USH1G: variants seen among roughly 807,000 people sequenced by gnomAD.
USH1G encodes the protein pre-mRNA splicing regulator USH1G.
Under a neutral mutation model 31.9 loss-of-function variants are expected in USH1G, and 27 were observed. The ratio of observed to expected loss-of-function variants is 0.85; its 90% CI spans 0.62 to 1.17. The LOEUF is 1.17. Among genes scored for constraint, USH1G ranks in the 50% most tolerant of loss-of-function variants. USH1G has a pLI of 0.00. For synonymous variants in USH1G, 266 were observed against 283.2 expected (o/e 0.94, Z 0.61); for missense variants, 674 against 638.9 (o/e 1.05, Z -0.59).
Position 74,919,405 on chromosome 17 carries a change from G to C in USH1G, c.1382+49C>G. The stretch of plus-strand genomic sequence containing the variant: ...GCAGATCTGTACCCCCTCCCCAGGG[G>C]CCTTCCAACTCCTGCTCCTCCATCC... On this transcript the variant is annotated intron_variant, in intron 2 of 2. Coordinates refer to ENST00000614341, the MANE Select transcript of USH1G (RefSeq NM_173477.5). This position sits in a 1 kb window ranked among gnomAD's most constrained non-coding sequence, Gnocchi z 4.5. 2 of 1,559,168 alleles carry C rather than the reference G, an allele frequency of 1.3e-6. No individual in the cohort carries two copies. Among genetic ancestry groups the C allele is most frequent in the Non-Finnish European group, 1.7e-6 (2 of 1,154,798 alleles).
At position 74,918,173 on chromosome 17, in the gene USH1G, C is replaced by T; in HGVS notation, c.1383-97G>A. On this transcript the variant is annotated intron_variant, in intron 2 of 2. Transcript: ENST00000614341. The surrounding 1 kb of genome is among the most constrained non-coding windows in gnomAD (Gnocchi z 4.1). ...AGCCATCTGGACAACTTAGCCTCCC[C>T]ATCTCTCGGCAGGCCAATTGTCAGG... 6.5e-7 allele frequency: 1 copy of T among 1,530,536 alleles called. No individual in the cohort carries two copies. Among genetic ancestry groups the T allele is most frequent in the East Asian group, 2.4e-5 (1 of 42,490 alleles). The allele number at this position is 1,530,536 out of a possible 1,614,324, so 94.8% of individuals were successfully genotyped here.
rs186578638 is a variant in USH1G, at chr17:74,921,845, C to T, written c.164+1065G>A. 6.4e-3 allele frequency among the ~76,000 whole-genome samples: 970 copies of T among 152,238 alleles called. 9 individuals carry two copies. The highest frequency in any genetic ancestry group is 0.023 in the South Asian group (109 of 4,822). Reference sequence around the variant, plus strand: ...GAAGGGCCAGCCAGCCTTGGCCTCACGGGACATGGTTCAGCTGCCCAGGCT... The same window carrying T: ...GAAGGGCCAGCCAGCCTTGGCCTCATGGGACATGGTTCAGCTGCCCAGGCT... On this transcript the variant is annotated intron_variant, in intron 1 of 2. Transcript: ENST00000614341. This position sits in a 1 kb window ranked among gnomAD's most constrained non-coding sequence, Gnocchi z 4.6.
chr17:74,920,728 G>A lies in USH1G; in HGVS notation c.165-57C>T, dbSNP rs1451470776. The A allele has an allele frequency of 7.5e-6, 12 of 1,603,336 alleles. No homozygotes were observed. Among genetic ancestry groups the A allele is most frequent in the South Asian group, 1.1e-5 (1 of 90,206 alleles). On this transcript the variant is annotated intron_variant, in intron 1 of 2. Transcript: ENST00000614341. This position sits in a 1 kb window ranked among gnomAD's most constrained non-coding sequence, Gnocchi z 5.2. ...ACGAGTCCTGGCTGGGGATGGAGGT[G>A]GAGGGAGTGGAGGGGGGAGGGGAGC...
At position 74,920,444 on chromosome 17, in the gene USH1G, A is replaced by C; in HGVS notation, c.392T>G (p.Leu131Arg). 3.1e-6 allele frequency: 5 copies of C among 1,613,680 alleles called. No individual in the cohort carries two copies. Among genetic ancestry groups the C allele is most frequent in the Middle Eastern group, 1.6e-4 (1 of 6,062 alleles). ...AAKQSSLNPKLVGKLKDKAFR... is the reference protein window; with the variant it reads ...AAKQSSLNPKRVGKLKDKAFR... ...GGCCTTGTCCTTCAGCTTACCCACC[A>C]GCTTGGGGTTGAGGCTGCTCTGCTT... Residue 131 changes from leucine to arginine, a missense_variant, in exon 2 of 3, where the codon CTG becomes CGG. By Grantham distance (102) the Leu-to-Arg change is moderately radical (BLOSUM62 -2). Coordinates refer to ENST00000614341, the MANE Select transcript of USH1G (RefSeq NM_173477.5). The surrounding 1 kb of genome is among the most constrained non-coding windows in gnomAD (Gnocchi z 5.2).
In USH1G at chr17:74,920,656, C is replaced by T. The variant is rs765320969; in HGVS notation, c.180G>A (p.Lys60=). 5.0e-6 allele frequency: 8 copies of T among 1,613,552 alleles called. No homozygotes were observed. In the Admixed American group the frequency reaches 6.7e-5, roughly 13 times the overall value. ...LIVSRGGDPD[K]CDIWGNTPLH... ...GGGGTGTGTTGCCCCAGATGTCACA[C>T]TTGTCCGGGTCACCCCTGCAGGGAA... The change falls in exon 2 of 3, where the codon AAG becomes AAA. Residue 60 remains lysine (K), a synonymous_variant. Coordinates refer to ENST00000614341, the MANE Select transcript of USH1G (RefSeq NM_173477.5). This position sits in a 1 kb window ranked among gnomAD's most constrained non-coding sequence, Gnocchi z 5.2.
intron 1 of USH1G, among the ~76,000 whole-genome samples, chr17:74,922,070 G>A (rs924932513): frequency 1.3e-5 from 2 of 152,196 alleles, no homozygotes; most frequent in Non-Finnish European, 2.9e-5. Context: ...CTGCCCTGAT[G>A]CCCAGACCAA....
In USH1G at chr17:74,920,309, A is replaced by G. The variant is rs1200477334; in HGVS notation, c.527T>C (p.Leu176Pro). 6.2e-7 allele frequency: 1 copy of G among 1,607,292 alleles called. No homozygotes were observed. Among genetic ancestry groups the G allele is most frequent in the East Asian group, 2.2e-5 (1 of 44,806 alleles). ...GCTGGACGTGAGGCTGGAGAAGCTGAGGGTGTCGGAACGCTCGGCCAGCTC... is the reference window on the plus strand; with the variant it reads ...GCTGGACGTGAGGCTGGAGAAGCTGGGGGTGTCGGAACGCTCGGCCAGCTC... The part of the protein sequence containing the change: ...RRELAERSDT[L>P]SFSSLTSSTL... Residue 176 changes from leucine (L) to proline (P), a missense_variant, in exon 2 of 3, where the codon CTC (leucine) becomes CCC (proline). By Grantham distance (98) the Leu-to-Pro change is moderately conservative. Coordinates refer to ENST00000614341, the MANE Select transcript of USH1G (RefSeq NM_173477.5). The surrounding 1 kb of genome is among the most constrained non-coding windows in gnomAD (Gnocchi z 5.2).
intron 1 of USH1G, 33 bp downstream of exon 1, chr17:74,922,877 G>C: frequency 1.3e-6 from 2 of 1,534,368 alleles, no homozygotes; most frequent in East Asian, 2.5e-5. Context: ...GTGGTCTCAG[G>C]GGCCTCAAGG....
Position 74,923,150 on chromosome 17 carries a change from G to A in USH1G, c.-77C>T. On this transcript the variant is annotated 5_prime_UTR_variant, in exon 1 of 3. An upstream open reading frame in the 5' UTR gains an earlier in-frame stop. Transcript: ENST00000614341. This position sits in a 1 kb window ranked among gnomAD's most constrained non-coding sequence, Gnocchi z 5.3. ...AGGGGAGGGCGGCGGTATTAGGGCT[G>A]AGGCATGAGGTTGGAGGACGGGGCC... The A allele has an allele frequency of 1.4e-6, 2 of 1,397,338 alleles. No individual in the cohort carries two copies. Among genetic ancestry groups the A allele is most frequent in the Non-Finnish European group, 1.9e-6 (2 of 1,050,850 alleles). 86.6% of individuals were successfully genotyped at this position (1,397,338 alleles called of 1,614,324 possible).
chr17:74,922,599 C>T (rs1362859688), intron 1 of USH1G, among the ~76,000 whole-genome samples: 1 of 152,088 alleles, frequency 6.6e-6, no homozygotes, highest in East Asian at 1.9e-4. Context: ...CTCACTATCC[C>T]CTCACTCTTG....
chr17:74,919,463 T>C lies in USH1G; in HGVS notation c.1373A>G (p.Asp458Gly). ...CAGGCTGGACACTCACAGCTCTGTG[T>C]CCTCCAGGGCCGGCGGGCGCTCCAT... ...QAMERPPALE[D>G]TEL Residue 458 changes from aspartate (D) to glycine (G), a missense_variant, in exon 2 of 3, where the codon GAC (aspartate) becomes GGC (glycine). By Grantham distance (94) the Asp-to-Gly change is moderately conservative. Transcript: ENST00000614341. This position sits in a 1 kb window ranked among gnomAD's most constrained non-coding sequence, Gnocchi z 4.5. 6.2e-7 allele frequency: 1 copy of C among 1,607,044 alleles called. No individual in the cohort carries two copies. Among genetic ancestry groups the C allele is most frequent in the South Asian group, 1.1e-5 (1 of 90,808 alleles).
Position 74,916,102 on chromosome 17 carries a change from A to G in USH1G, c.*1971T>C, listed in dbSNP as rs953492455. ...GACAGGTACGATACTGATAGAGAAC[A>G]TTCTCTACAAAAGTGGCAATGAGCC... On this transcript the variant is annotated 3_prime_UTR_variant, in exon 3 of 3. Coordinates refer to ENST00000614341, the MANE Select transcript of USH1G (RefSeq NM_173477.5). 1 of 148,894 alleles carries G rather than the reference A, an allele frequency of 6.7e-6. No individual in the cohort carries two copies. The highest frequency in any genetic ancestry group is 1.5e-5 in the Non-Finnish European group (1 of 67,240). 9.2% of individuals were successfully genotyped at this position (148,894 alleles called of 1,614,324 possible).
rs561747613 is a variant in USH1G at position 74,918,304 on chromosome 17, G to T, written c.1383-228C>A. Among the ~76,000 whole-genome samples, 189 of 152,260 alleles carry T rather than the reference G, an allele frequency of 1.2e-3. No homozygotes were observed. The highest frequency in any genetic ancestry group is 8.1e-3 in the South Asian group (39 of 4,826). On this transcript the variant is annotated intron_variant, in intron 2 of 2. Coordinates refer to ENST00000614341, the MANE Select transcript of USH1G (RefSeq NM_173477.5). This position sits in a 1 kb window ranked among gnomAD's most constrained non-coding sequence, Gnocchi z 4.1. ...CCAGCCATTCAGGATAACGGCCATAGATACCTAAGAGGAAATGAGGACAAA... is the reference window on the plus strand; with the variant it reads ...CCAGCCATTCAGGATAACGGCCATATATACCTAAGAGGAAATGAGGACAAA...
At chr17:74,922,445 G>A (rs913606131) in intron 1 of USH1G, among the ~76,000 whole-genome samples, 4 of 152,182 alleles carry the variant, frequency 2.6e-5, no homozygotes, top group Admixed American at 2.0e-4. Flanking sequence ...GAGGGCAAGC[G>A]CTGTGTGACA....
chr17:74,919,602 TCTC>T lies in USH1G; in HGVS notation c.1231_1233del (p.Glu411del), dbSNP rs777537471. 2.5e-6 allele frequency: 4 copies of T among 1,612,682 alleles called. No homozygotes were observed. The highest frequency in any genetic ancestry group is 2.2e-5 in the South Asian group (2 of 91,086). On this transcript the variant is annotated inframe_deletion, in exon 2 of 3. Transcript: ENST00000614341. The surrounding 1 kb of genome is among the most constrained non-coding windows in gnomAD (Gnocchi z 4.5). ...AGCATCAAAGCCTCGAGGTCGATCT[TCTC>T]CTGCCGCAGGAGGGCGGCAAAGTCC...
chr17:74,922,488 C>A (rs774844961), intron 1 of USH1G, among the ~76,000 whole-genome samples: 3 of 152,170 alleles, frequency 2.0e-5, no homozygotes, highest in Non-Finnish European at 4.4e-5. Context: ...TGCTGGCTGG[C>A]AGAGCCCTTT....
chr17:74,919,350 CA>C lies in USH1G; in HGVS notation c.1382+103del. On this transcript the variant is annotated intron_variant, in intron 2 of 2. Transcript: ENST00000614341. This position sits in a 1 kb window ranked among gnomAD's most constrained non-coding sequence, Gnocchi z 4.5. The stretch of plus-strand genomic sequence containing the variant: ...GGCCTCATTTCGATTTTATGAAATA[CA>C]GTATCCCCCACCCCCTACTCCTGAA... The C allele has an allele frequency of 6.9e-7, 1 of 1,451,310 alleles. No individual in the cohort carries two copies. Among genetic ancestry groups the C allele is most frequent in the Non-Finnish European group, 9.1e-7 (1 of 1,099,790 alleles). The allele number at this position is 1,451,310 out of a possible 1,614,324, so 89.9% of individuals were successfully genotyped here.
Position 74,919,397 on chromosome 17 carries a change from C to A in USH1G, c.1382+57G>T. 1.9e-6 allele frequency: 3 copies of A among 1,551,788 alleles called. No individual in the cohort carries two copies. Among genetic ancestry groups the A allele is most frequent in the Admixed American group, 3.7e-5 (2 of 54,056 alleles). On this transcript the variant is annotated intron_variant, in intron 2 of 2. Coordinates refer to ENST00000614341, the MANE Select transcript of USH1G (RefSeq NM_173477.5). This position sits in a 1 kb window ranked among gnomAD's most constrained non-coding sequence, Gnocchi z 4.5. Reference sequence around the variant, plus strand: ...CTGAATAGGCAGATCTGTACCCCCTCCCCAGGGGCCTTCCAACTCCTGCTC... The same window carrying A: ...CTGAATAGGCAGATCTGTACCCCCTACCCAGGGGCCTTCCAACTCCTGCTC...
chr17:74,922,843 G>C (rs1212160309), intron 1 of USH1G, 67 bp downstream of exon 1: 2 of 1,499,246 alleles, frequency 1.3e-6, no homozygotes, highest in African/African-American at 1.4e-5. Context: ...CAGCTCAGAG[G>C]AGTGGTGGAC....
Sources: gnomAD v4.1 joint callset for allele counts (sites outside exome capture counted in the v4.1 genomes callset) on GRCh38, gnomAD v4.1.1 for gene constraint, Gnocchi (gnomAD v3.1) non-coding constraint, MANE v1.5 for transcripts, NCBI Gene and HGNC (gene_info 2026-07-23, HGNC 2026-07-21) for gene names.